Variants in FGF14 observed in about 807,000 individuals in gnomAD.
FGF14 encodes the protein fibroblast growth factor homologous factor 4.
Under a neutral mutation model 25.5 loss-of-function variants are expected in FGF14, and 5 were observed. The observed-to-expected ratio is 0.20, with a 90% confidence interval of 0.10 to 0.41. FGF14 has a LOEUF of 0.41. Ranked by LOEUF, FGF14 falls within the 10% of genes least tolerant of loss-of-function variation. FGF14 has a pLI of 1.00. For missense variants in FGF14, 222 were observed against 320.1 expected, an observed-to-expected ratio of 0.69 and a Z score of 2.34; for synonymous variants, 138 against 118.3, an observed-to-expected ratio of 1.17 and a Z score of -1.08.
At chr13:101,964,206 C>G (rs1348497464) in intron 1 of FGF14, among the ~76,000 whole-genome samples, 2 of 152,058 alleles carry the variant, frequency 1.3e-5, no homozygotes, top group African/African-American at 4.8e-5. Context: ...AAGGGTTTCC[C>G]CTCTGTGGAT....
chr13:101,931,455 A>C (rs1388933639), intron 1 of FGF14, among the ~76,000 whole-genome samples: 2 of 152,122 alleles, frequency 1.3e-5, no homozygotes, highest in East Asian at 3.8e-4. Flanking sequence ...GAGACTTCAC[A>C]ATGAGGCTGC....
chr13:101,816,768 A>G (rs4381455), intron 3 of FGF14, among the ~76,000 whole-genome samples: 152,248 of 152,256 alleles, frequency 1, 76,120 homozygotes, highest in Middle Eastern at 1. Flanking sequence ...CTAAAATATT[A>G]TTCATAATAT....
chr13:102,245,935 C>T (rs1009784516), intron 1 of FGF14, among the ~76,000 whole-genome samples: 4 of 152,114 alleles, frequency 2.6e-5, no homozygotes, highest in African/African-American at 4.8e-5. Context: ...TGGTAAAAAC[C>T]GGATGCCTTC....
At chr13:101,948,761 T>C (rs1390259591) in intron 1 of FGF14, among the ~76,000 whole-genome samples, 1 of 152,180 alleles carries the variant, frequency 6.6e-6, no homozygotes, top group Non-Finnish European at 1.5e-5. Context: ...TGGCACAGAA[T>C]GTTAACATTT....
intron 3 of FGF14, among the ~76,000 whole-genome samples, chr13:101,799,290 G>T (rs1594290746): frequency 6.6e-6 from 1 of 151,910 alleles, no homozygotes; most frequent in Non-Finnish European, 1.5e-5. Context: ...AGTTTCATAG[G>T]ATATATGAGC....
At position 102,369,173 on chromosome 13, in the gene FGF14, T is replaced by G. The variant is rs553618654; in HGVS notation, c.208+32298A>C. The stretch of plus-strand genomic sequence containing the variant: ...AACACTGGCTGATGTCCTTTGAATG[T>G]GGTTTTTCAGCCACATGGAAGCTCC... On this transcript the variant is annotated intron_variant, in intron 1 of 4. Transcript: ENST00000376131. Among the ~76,000 whole-genome samples, 5 of 152,340 alleles carry G rather than the reference T, an allele frequency of 3.3e-5. No homozygotes were observed. The South Asian group carries it at 1.0e-3, about 32-fold the overall frequency.
chr13:101,936,535 G>C (rs2035118164), intron 1 of FGF14, among the ~76,000 whole-genome samples: 1 of 152,152 alleles, frequency 6.6e-6, no homozygotes, highest in African/African-American at 2.4e-5. Flanking sequence ...GCATTTCAGG[G>C]ACATTTCAAC....
At chr13:102,187,337 T>C (rs1209016538) in intron 1 of FGF14, among the ~76,000 whole-genome samples, 1 of 152,206 alleles carries the variant, frequency 6.6e-6, no homozygotes, top group Non-Finnish European at 1.5e-5. Context: ...AATGTTCATA[T>C]ACTCTTGTTT....
chr13:101,715,714 C>T lies in FGF14; in HGVS notation c.*7117G>A, dbSNP rs188773082. The T allele has an allele frequency of 1.2e-4, 123 of 1,054,448 alleles. 2 individuals are homozygous for T. The Admixed American group carries it at 1.4e-3, about 12-fold the overall frequency. The allele number at this position is 1,054,448 out of a possible 1,614,324, so 65.3% of individuals were successfully genotyped here. On this transcript the variant is annotated 3_prime_UTR_variant, in exon 5 of 5. Coordinates refer to ENST00000376143, the MANE Select transcript of FGF14 (RefSeq NM_004115.4). The stretch of plus-strand genomic sequence containing the variant: ...TCTGGGCCATTAGAACAGATAAATG[C>T]GAAGGAAACCATGTATATTCACCAC...
intron 1 of FGF14, among the ~76,000 whole-genome samples, chr13:102,270,737 C>G (rs2053205980): frequency 6.6e-6 from 1 of 152,012 alleles, no homozygotes; most frequent in South Asian, 2.1e-4. Flanking sequence ...ATTGTCTGTT[C>G]AAGCTGTTTG....
intron 1 of FGF14, among the ~76,000 whole-genome samples, chr13:102,377,177 T>C (rs1441982699): frequency 2.0e-5 from 3 of 151,806 alleles, no homozygotes; most frequent in Non-Finnish European, 4.4e-5. Context: ...TGCATGAATA[T>C]AAAAAATTGA....
upstream of FGF14, among the ~76,000 whole-genome samples, chr13:101,916,946 G>A (rs1425706727): frequency 1.3e-5 from 2 of 151,910 alleles, no homozygotes; most frequent in Non-Finnish European, 2.9e-5. Context: ...CCGCGGCTGC[G>A]GGCGCTGCTG....
chr13:102,027,460 TA>T (rs1216370197), intron 1 of FGF14, among the ~76,000 whole-genome samples: 1 of 152,042 alleles, frequency 6.6e-6, no homozygotes, highest in East Asian at 1.9e-4. Flanking sequence ...TCTACTATCC[TA>T]AACGGCTAGC....
intron 4 of FGF14, among the ~76,000 whole-genome samples, chr13:101,724,631 T>TAA (rs1337053182): frequency 2.7e-5 from 3 of 109,142 alleles, no homozygotes; most frequent in Non-Finnish European, 3.8e-5. Context: ...TATATATATA[T>TAA]AAAACAAAGA....
At chr13:102,172,311 A>T (rs641394) in intron 1 of FGF14, among the ~76,000 whole-genome samples, 87,957 of 151,898 alleles carry the variant, frequency 0.58, 26,522 homozygotes, top group East Asian at 0.92. Context: ...TTCCTTCGAC[A>T]ATTTTATTAG....
chr13:101,820,771 C>CCACACACACA (rs370598288), intron 3 of FGF14, among the ~76,000 whole-genome samples: 3 of 91,952 alleles, frequency 3.3e-5, no homozygotes, highest in East Asian at 4.0e-4. Context: ...CACACACACA[C>CCACACACACA]CACACACCAC....
chr13:101,791,160 C>T (rs571649800), intron 3 of FGF14, among the ~76,000 whole-genome samples: 5 of 152,288 alleles, frequency 3.3e-5, no homozygotes, highest in African/African-American at 1.2e-4. Flanking sequence ...AAACACAAAA[C>T]CTCTCAAATG....
chr13:102,162,031 A>T (rs1006967683), intron 1 of FGF14, among the ~76,000 whole-genome samples: 4 of 152,202 alleles, frequency 2.6e-5, no homozygotes, highest in Admixed American at 6.5e-5. Context: ...TGGAACAACA[A>T]AAATCTGACA....
At chr13:101,807,036 C>A (rs572835144) in intron 3 of FGF14, among the ~76,000 whole-genome samples, 2 of 151,820 alleles carry the variant, frequency 1.3e-5, no homozygotes, top group African/African-American at 4.8e-5. Flanking sequence ...CAAAAGGAAG[C>A]GGAGAAGATT....
Sources: gnomAD v4.1 joint callset for allele counts (sites outside exome capture counted in the v4.1 genomes callset) on GRCh38, gnomAD v4.1.1 for gene constraint, MANE v1.5 for transcripts, NCBI Gene and HGNC (gene_info 2026-07-23, HGNC 2026-07-21) for gene names.